The following PCCA variants were observed in gnomAD, a reference collection of about 807,000 sequenced individuals.
The protein encoded by PCCA is propionyl-CoA carboxylase subunit alpha, also known as propionyl-CoA carboxylase alpha chain, mitochondrial.
In PCCA, 74 loss-of-function variants were observed where a neutral mutation model predicts 101.3. The observed-to-expected ratio is 0.73, with a 90% CI of 0.61 to 0.89. The LOEUF (loss-of-function observed/expected upper bound fraction) is 0.89, where lower values mean the gene tolerates loss of function less well. Among genes scored for constraint, PCCA ranks in the 40% least tolerant of loss-of-function variants. The probability of loss-of-function intolerance (pLI) is 0.00; values close to 1 mark genes in which losing one functional copy is unlikely to be tolerated. For synonymous variants in PCCA, 294 were observed against 313.6 expected (o/e 0.94, Z 0.66); for missense variants, 891 against 907.0 (o/e 0.98, Z 0.23).
At chr13:100,407,066 CAAAG>C (rs1215671365) in intron 19 of PCCA, among the ~76,000 whole-genome samples, 2 of 152,296 alleles carry the variant, frequency 1.3e-5, no homozygotes, top group East Asian at 1.9e-4. Flanking sequence ...ACACAACTGA[CAAAG>C]AAGTTCGGTT....
intron 6 of PCCA, among the ~76,000 whole-genome samples, chr13:100,159,146 T>C (rs1268062911): frequency 1.5e-5 from 2 of 134,036 alleles, no homozygotes; most frequent in Admixed American, 1.8e-4. Flanking sequence ...CAGGCTGGAA[T>C]GTAGTGGCAT....
intron 16 of PCCA, among the ~76,000 whole-genome samples, chr13:100,330,014 T>C (rs1348904305): frequency 6.6e-6 from 1 of 152,044 alleles, no homozygotes; most frequent in Non-Finnish European, 1.5e-5. Flanking sequence ...TTTGAATGAG[T>C]TGGGCTATGA....
chr13:100,440,198 ATATATATATAT>A (rs1566308437), intron 20 of PCCA, among the ~76,000 whole-genome samples: 7 of 97,056 alleles, frequency 7.2e-5, no homozygotes, highest in Non-Finnish European at 1.2e-4. Flanking sequence ...ATATATATAT[ATATATATATAT>A]AAAACGTGAT....
At chr13:100,522,033 T>C (rs1202808820) in intron 22 of PCCA, among the ~76,000 whole-genome samples, 1 of 152,232 alleles carries the variant, frequency 6.6e-6, no homozygotes, top group African/African-American at 2.4e-5. Context: ...CGCAGTGATT[T>C]GGTGCTCACT....
chr13:100,445,946 G>T (rs1044977954), intron 20 of PCCA, among the ~76,000 whole-genome samples: 3 of 152,118 alleles, frequency 2.0e-5, no homozygotes, highest in Non-Finnish European at 4.4e-5. Flanking sequence ...TGGGATTGTT[G>T]GATCATATGG....
chr13:100,361,197 T>C (rs1455561836), intron 18 of PCCA, among the ~76,000 whole-genome samples: 1 of 152,202 alleles, frequency 6.6e-6, no homozygotes, highest in Admixed American at 6.5e-5. Context: ...AGCTACTCTG[T>C]ATCATACTGT....
chr13:100,142,014 G>T (rs2152346060), intron 4 of PCCA, among the ~76,000 whole-genome samples: 1 of 152,242 alleles, frequency 6.6e-6, no homozygotes, highest in Admixed American at 6.5e-5. Context: ...ATGACTTTGA[G>T]TGTTGGCAAT....
chr13:100,486,592 C>T (rs1326483570), intron 21 of PCCA, among the ~76,000 whole-genome samples: 3 of 152,066 alleles, frequency 2.0e-5, no homozygotes, highest in Admixed American at 6.6e-5. Flanking sequence ...TAAAATGGCC[C>T]GTGTAGGATA....
intron 4 of PCCA, among the ~76,000 whole-genome samples, chr13:100,140,557 A>G (rs1235913726): frequency 6.6e-6 from 1 of 152,210 alleles, no homozygotes; most frequent in Non-Finnish European, 1.5e-5. Context: ...TTTGCATTTC[A>G]GGCTTTTCCA....
intron 19 of PCCA, among the ~76,000 whole-genome samples, chr13:100,402,813 G>C (rs575221608): frequency 6.6e-6 from 1 of 152,314 alleles, no homozygotes; most frequent in South Asian, 2.1e-4. Flanking sequence ...GGTCATGGAA[G>C]ATGGATGGTA....
At chr13:100,169,332 T>G (rs1472276346) in intron 6 of PCCA, among the ~76,000 whole-genome samples, 1 of 150,428 alleles carries the variant, frequency 6.6e-6, no homozygotes, top group Non-Finnish European at 1.5e-5. Context: ...TCCCAGCTAC[T>G]CAGGAAGCTG....
At chr13:100,136,407 A>G (rs1474346194) in intron 4 of PCCA, among the ~76,000 whole-genome samples, 1 of 151,966 alleles carries the variant, frequency 6.6e-6, no homozygotes, top group Non-Finnish European at 1.5e-5. Context: ...GCTGGTCTCA[A>G]ACTCCCAACC....
chr13:100,491,755 CA>C, intron 21 of PCCA: 1 of 1,250,008 alleles, frequency 8.0e-7, no homozygotes, highest in Non-Finnish European at 1.0e-6. Flanking sequence ...TCGGTTTGTA[CA>C]AGCTCTTTTG....
intron 6 of PCCA, among the ~76,000 whole-genome samples, chr13:100,167,898 C>T (rs548183618): frequency 6.6e-6 from 1 of 152,092 alleles, no homozygotes; most frequent in South Asian, 2.1e-4. Context: ...TCCTGAGTAG[C>T]TGGGATTATA....
At chr13:100,284,455 A>C (rs920153256) in intron 12 of PCCA, among the ~76,000 whole-genome samples, 15 of 152,234 alleles carry the variant, frequency 9.9e-5, no homozygotes, top group African/African-American at 3.6e-4. Flanking sequence ...TCCTTATCAA[A>C]GGCAATATCC....
chr13:100,258,625 T>C (rs1311607972), intron 9 of PCCA, among the ~76,000 whole-genome samples: 2 of 152,218 alleles, frequency 1.3e-5, no homozygotes, highest in Non-Finnish European at 2.9e-5. Context: ...TGTTAGTAAC[T>C]TACTCTTTTA....
chr13:100,101,196 C>T (rs1323335676), intron 1 of PCCA, among the ~76,000 whole-genome samples: 2 of 152,168 alleles, frequency 1.3e-5, no homozygotes, highest in Admixed American at 1.3e-4. Context: ...TGTGCAAGCT[C>T]TGTGGAACAA....
Position 100,457,024 on chromosome 13 carries a change from G to C in PCCA, c.1899+7719G>C, listed in dbSNP as rs866879213. On this transcript the variant is annotated intron_variant, in intron 21 of 23. Transcript: ENST00000376285. ...CCGCTTGACCAAGGTGCCCTCATGC[G>C]GGCGTGACAGAGGGCTCACCTCTTG... Among the ~76,000 whole-genome samples, 519 of 152,126 alleles carry C rather than the reference G, an allele frequency of 3.4e-3. 1 individual carries two copies. The highest frequency in any genetic ancestry group is 0.011 in the African/African-American group (467 of 41,474).
chr13:100,475,600 T>C (rs1427743283), intron 21 of PCCA, among the ~76,000 whole-genome samples: 2 of 152,246 alleles, frequency 1.3e-5, no homozygotes, highest in Non-Finnish European at 2.9e-5. Flanking sequence ...AATGCTGTTA[T>C]GAACATTCAT....
Sources: allele counts gnomAD v4.1 joint callset (sites outside exome capture counted in the v4.1 genomes callset), GRCh38; gene constraint gnomAD v4.1.1; transcripts MANE v1.5; gene names NCBI Gene and HGNC (gene_info 2026-07-23, HGNC 2026-07-21).